PTPRD: variants seen among roughly 807,000 people sequenced by gnomAD.
The protein encoded by PTPRD is receptor-type tyrosine-protein phosphatase delta.
Under a neutral mutation model 214.5 loss-of-function variants are expected in PTPRD, and 34 were observed. The observed-to-expected ratio is 0.16, with a 90% CI of 0.12 to 0.21. The LOEUF (loss-of-function observed/expected upper bound fraction) is 0.21. Ranked by LOEUF, PTPRD falls within the 10% of genes least tolerant of loss-of-function variation. The pLI, the probability that PTPRD is intolerant of heterozygous loss-of-function variation, is 1.00. For synonymous variants in PTPRD, 1,128 were observed against 845.7 expected, an observed-to-expected ratio of 1.33 and a Z score of -5.79; for missense variants, 2,545 against 2,398.7, an observed-to-expected ratio of 1.06 and a Z score of -1.27.
In PTPRD at chr9:9,274,379, T is replaced by G. The variant is rs1944150994; in HGVS notation, c.-202-91016A>C. 2.0e-5 allele frequency among the ~76,000 whole-genome samples: 3 copies of G among 151,346 alleles called. No homozygotes were observed. The South Asian group carries it at 6.2e-4, about 31-fold the overall frequency. ...TTCTCCACCCACAACTTTAAATCAT[T>G]TGTGGTAAATGTCTGCATAAATAGA... On this transcript the variant is annotated intron_variant, in intron 9 of 45. Coordinates refer to ENST00000381196, the MANE Select transcript of PTPRD (RefSeq NM_002839.4).
At chr9:10,443,894 C>T (rs914951677) in intron 2 of PTPRD, among the ~76,000 whole-genome samples, 1 of 149,594 alleles carries the variant, frequency 6.7e-6, no homozygotes, top group African/African-American at 2.5e-5. Context: ...TATGAGAAAT[C>T]CTAGAATTCA....
chr9:9,868,969 T>G (rs186397241), intron 5 of PTPRD, among the ~76,000 whole-genome samples: 1 of 152,232 alleles, frequency 6.6e-6, no homozygotes, highest in East Asian at 1.9e-4. Flanking sequence ...ATACAAGGAT[T>G]CAGGGACTAT....
chr9:10,018,649 G>A (rs1375911384), intron 4 of PTPRD, among the ~76,000 whole-genome samples: 2 of 137,474 alleles, frequency 1.5e-5, no homozygotes, highest in East Asian at 2.2e-4. Flanking sequence ...CCGGGTTCAT[G>A]CCATTCTCCT....
intron 9 of PTPRD, among the ~76,000 whole-genome samples, chr9:9,333,797 T>A (rs968465491): frequency 6.6e-6 from 1 of 151,956 alleles, no homozygotes; most frequent in East Asian, 1.9e-4. Context: ...AATTTGTAGA[T>A]GTGGTTGGAA....
intron 11 of PTPRD, among the ~76,000 whole-genome samples, chr9:8,902,305 C>A (rs1020173454): frequency 6.6e-6 from 1 of 151,488 alleles, no homozygotes; most frequent in Non-Finnish European, 1.5e-5. Context: ...CAGATTTATT[C>A]AACTGGAATT....
chr9:8,423,069 CAA>C (rs1437026091), intron 35 of PTPRD, among the ~76,000 whole-genome samples: 1 of 151,862 alleles, frequency 6.6e-6, no homozygotes, highest in African/African-American at 2.4e-5. Context: ...ATTGAGAAAA[CAA>C]AAAGGGAAAC....
chr9:8,884,101 C>T (rs1010512208), intron 11 of PTPRD, among the ~76,000 whole-genome samples: 10 of 152,102 alleles, frequency 6.6e-5, no homozygotes, highest in Non-Finnish European at 8.8e-5. Context: ...AATTGAGGTT[C>T]GGGAATATGA....
chr9:8,453,836 C>T (rs1051181028), intron 33 of PTPRD, among the ~76,000 whole-genome samples: 4 of 152,160 alleles, frequency 2.6e-5, no homozygotes, highest in African/African-American at 9.7e-5. Context: ...GACGCTATGG[C>T]TGCTGGTCCA....
intron 2 of PTPRD, among the ~76,000 whole-genome samples, chr9:10,409,435 ATCAC>A (rs2098411617): frequency 6.6e-6 from 1 of 151,754 alleles, no homozygotes; most frequent in Admixed American, 6.6e-5. Flanking sequence ...TTGTTATCAC[ATCAC>A]TCAATTTGTC....
chr9:8,927,454 T>G (rs901518208), intron 11 of PTPRD, among the ~76,000 whole-genome samples: 1 of 152,122 alleles, frequency 6.6e-6, no homozygotes, highest in African/African-American at 2.4e-5. Context: ...TGAGAACATG[T>G]GGTGTTTGGT....
chr9:10,421,251 T>A (rs1263349600), intron 2 of PTPRD, among the ~76,000 whole-genome samples: 1 of 151,828 alleles, frequency 6.6e-6, no homozygotes, highest in Non-Finnish European at 1.5e-5. Context: ...TAGGTGCACA[T>A]GCCACTTAGA....
intron 2 of PTPRD, among the ~76,000 whole-genome samples, chr9:10,510,726 C>G (rs1051456274): frequency 6.6e-6 from 1 of 152,102 alleles, no homozygotes; most frequent in Non-Finnish European, 1.5e-5. Context: ...TCCAAATCTA[C>G]TCTTCTAGTT....
At chr9:9,674,885 G>C (rs556379121) in intron 7 of PTPRD, among the ~76,000 whole-genome samples, 2 of 151,774 alleles carry the variant, frequency 1.3e-5, no homozygotes, top group South Asian at 4.1e-4. Context: ...ACAATAGTGA[G>C]AAATATGAAC....
intron 11 of PTPRD, among the ~76,000 whole-genome samples, chr9:8,738,950 G>T (rs1281879235): frequency 6.6e-6 from 1 of 152,128 alleles, no homozygotes; most frequent in Admixed American, 6.5e-5. Context: ...ATTAAGTTGG[G>T]GGATGGTATG....
intron 8 of PTPRD, among the ~76,000 whole-genome samples, chr9:9,483,843 C>A (rs1030056935): frequency 6.7e-6 from 1 of 149,854 alleles, no homozygotes; most frequent in Non-Finnish European, 1.5e-5. Context: ...CTGTTTGGAC[C>A]TGCCTACTTC....
intron 3 of PTPRD, among the ~76,000 whole-genome samples, chr9:10,209,284 G>C (rs2099503069): frequency 1.3e-5 from 2 of 152,138 alleles, no homozygotes; most frequent in South Asian, 2.1e-4. Flanking sequence ...CTAATCCATG[G>C]TTTATAGCAA....
chr9:10,194,363 G>T (rs1275523483), intron 3 of PTPRD, among the ~76,000 whole-genome samples: 1,990 of 17,972 alleles, frequency 0.11, 7 homozygotes, highest in Non-Finnish European at 0.17. Flanking sequence ...GAGAGAGAGA[G>T]AGAGAGAGAG....
Position 9,275,554 on chromosome 9 carries a change from G to T in PTPRD, c.-202-92191C>A, listed in dbSNP as rs186721813. 3.9e-3 allele frequency among the ~76,000 whole-genome samples: 584 copies of T among 151,142 alleles called. 6 individuals carry two copies. The highest frequency in any genetic ancestry group is 0.013 in the African/African-American group (542 of 41,374). On this transcript the variant is annotated intron_variant, in intron 9 of 45. Coordinates refer to ENST00000381196, the MANE Select transcript of PTPRD (RefSeq NM_002839.4). ...AGGTTCCATTAGCCAAGGTTGGCTGGTAAGAGCCTAGATTATGCTTTCTGC... is the reference window on the plus strand; with the variant it reads ...AGGTTCCATTAGCCAAGGTTGGCTGTTAAGAGCCTAGATTATGCTTTCTGC...
intron 8 of PTPRD, among the ~76,000 whole-genome samples, chr9:9,419,205 C>T (rs2077944899): frequency 6.7e-6 from 1 of 150,322 alleles, no homozygotes; most frequent in South Asian, 2.1e-4. Flanking sequence ...TAGTCTGTAT[C>T]ATTTATCTGT....
Sources: gnomAD v4.1 joint callset for allele counts (sites outside exome capture counted in the v4.1 genomes callset) on GRCh38, gnomAD v4.1.1 for gene constraint, MANE v1.5 for transcripts, NCBI Gene and HGNC (gene_info 2026-07-23, HGNC 2026-07-21) for gene names.